PRDM10: variants seen among roughly 807,000 people sequenced by gnomAD.
PRDM10 encodes the protein PR/SET domain 10, also known as PR domain zinc finger protein 10.
A neutral mutation model predicts 133.1 loss-of-function variants in PRDM10; 65 were observed. The ratio of observed to expected loss-of-function variants is 0.49; its 90% CI spans 0.40 to 0.60. The LOEUF (loss-of-function observed/expected upper bound fraction) is 0.60, where lower values mean the gene tolerates loss of function less well. PRDM10 is among the 20% of genes least tolerant of loss of function. PRDM10 has a pLI of 0.00. For synonymous variants in PRDM10, 582 were observed against 580.4 expected (o/e 1.00, Z -0.04); for missense variants, 1,137 against 1,507.1 (o/e 0.75, Z 4.07).
At chr11:129,983,475 T>C (rs1938235639) in intron 1 of PRDM10, among the ~76,000 whole-genome samples, 1 of 152,038 alleles carries the variant, frequency 6.6e-6, no homozygotes, top group South Asian at 2.1e-4. Flanking sequence ...TGTTTTTGTA[T>C]TTTTAGTAGA....
At position 129,923,451 on chromosome 11, in the gene PRDM10, G is replaced by A; in HGVS notation, c.1879-48C>T. The stretch of plus-strand genomic sequence containing the variant: ...AATTCAGGGGACGCAGGCACCAAAT[G>A]AAATGACCAAAGGCAGCTTGTCAAC... On this transcript the variant is annotated intron_variant, in intron 12 of 20. Transcript: ENST00000360871. The surrounding 1 kb of genome is among the most constrained non-coding windows in gnomAD (Gnocchi z 4.4). 6.4e-7 allele frequency: 1 copy of A among 1,562,246 alleles called. No individual in the cohort carries two copies. Among genetic ancestry groups the A allele is most frequent in the Non-Finnish European group, 8.7e-7 (1 of 1,153,684 alleles).
Position 129,914,905 on chromosome 11 carries a change from A to G in PRDM10, c.2640T>C (p.Thr880=). 6.2e-7 allele frequency: 1 copy of G among 1,614,116 alleles called. No homozygotes were observed. Among genetic ancestry groups the G allele is most frequent in the Non-Finnish European group, 8.5e-7 (1 of 1,180,022 alleles). ...CAGTCTCTCCAGTGGCGCTGTCTGT[A>G]GTCAAAACCGCTGGGGTGGCACTGA... ...AVISATPAVL[T]TDSATGETVV... Residue 880 remains threonine, a synonymous_variant, in exon 17 of 21, where the codon ACT becomes ACC. Transcript: ENST00000360871.
At position 129,912,091 on chromosome 11, in the gene PRDM10, G is replaced by A. The variant is rs758425366; in HGVS notation, c.2976C>T (p.Ser992=). The change falls in exon 18 of 21, where the codon TCC becomes TCT. Residue 992 remains serine (S), a synonymous_variant. Transcript: ENST00000360871. ...VSEPTASAPS[S]AQVSGQPLSP... ...AGTCTGTGGAGCAGGGTACCTGGGC[G>A]GAGGACGGGGCCGAGGCGGTAGGCT... 4.9e-5 allele frequency: 78 copies of A among 1,606,646 alleles called. No homozygotes were observed. Among genetic ancestry groups the A allele is most frequent in the Middle Eastern group, 3.3e-4 (2 of 6,022 alleles).
At chr11:129,969,003 T>C (rs1238535194) in intron 1 of PRDM10, among the ~76,000 whole-genome samples, 1 of 152,186 alleles carries the variant, frequency 6.6e-6, no homozygotes, top group Non-Finnish European at 1.5e-5. Flanking sequence ...AAATAGCAGA[T>C]GCCAGGAGGC....
At chr11:129,934,753 G>A (rs1950974225) in intron 9 of PRDM10, among the ~76,000 whole-genome samples, 1 of 152,130 alleles carries the variant, frequency 6.6e-6, no homozygotes, top group Admixed American at 6.5e-5. Flanking sequence ...GACTTGGTTT[G>A]ATTAAGTAAT....
chr11:129,983,701 C>G (rs1938248260), intron 1 of PRDM10, among the ~76,000 whole-genome samples: 1 of 152,146 alleles, frequency 6.6e-6, no homozygotes, highest in Non-Finnish European at 1.5e-5. Flanking sequence ...GAGGAGAAGG[C>G]TTAGGATGGA....
intron 19 of PRDM10, among the ~76,000 whole-genome samples, chr11:129,908,471 C>T (rs1394727788): frequency 1.3e-5 from 2 of 152,102 alleles, no homozygotes; most frequent in Non-Finnish European, 2.9e-5. Flanking sequence ...AACCCTGTCT[C>T]AAATGTTCTT....
In PRDM10 at chr11:129,914,792, T is replaced by C. The variant is rs778395388; in HGVS notation, c.2753A>G (p.Gln918Arg). Residue 918 changes from glutamine (Q) to arginine (R), a missense_variant, in exon 17 of 21, where the codon CAG becomes CGG. By Grantham distance (43) the Gln-to-Arg change is conservative. Transcript: ENST00000360871. Reference protein sequence around the residue: ...TDYRTPQGDYQRIQYIPVSQS... With the variant: ...TDYRTPQGDYRRIQYIPVSQS... The stretch of plus-strand genomic sequence containing the variant: ...CGACACAGGGATGTACTGAATTCTC[T>C]GGTAATCCCCTTGTGGCGTTCGGTA... The C allele has an allele frequency of 1.2e-6, 2 of 1,614,208 alleles. No individual in the cohort carries two copies. Among genetic ancestry groups the C allele is most frequent in the East Asian group, 4.5e-5 (2 of 44,868 alleles).
At chr11:129,942,015 C>T (rs1252814886) in intron 7 of PRDM10, among the ~76,000 whole-genome samples, 1 of 152,170 alleles carries the variant, frequency 6.6e-6, no homozygotes, top group Non-Finnish European at 1.5e-5. Flanking sequence ...CCTGCCTCAG[C>T]TTCACAAGTA....
chr11:129,918,439 C>G lies in PRDM10; in HGVS notation c.2214+100G>C. ...CCTGGACATTGACAAAACCATTGAT[C>G]GATATAACTTAGGACACAATGCAAC... On this transcript the variant is annotated intron_variant, in intron 14 of 20. Coordinates refer to ENST00000360871, the MANE Select transcript of PRDM10 (RefSeq NM_199437.2). This position sits in a 1 kb window ranked among gnomAD's most constrained non-coding sequence, Gnocchi z 5.3. 1 of 1,344,116 alleles carries G rather than the reference C, an allele frequency of 7.4e-7. No homozygotes were observed. Among genetic ancestry groups the G allele is most frequent in the Non-Finnish European group, 9.9e-7 (1 of 1,014,028 alleles). The allele number at this position is 1,344,116 out of a possible 1,614,324, so 83.3% of individuals were successfully genotyped here.
intron 1 of PRDM10, among the ~76,000 whole-genome samples, chr11:129,973,733 T>C (rs1248331244): frequency 6.6e-6 from 1 of 152,154 alleles, no homozygotes; most frequent in Non-Finnish European, 1.5e-5. Context: ...AGCTCTATAA[T>C]TGAGATGAAA....
At position 129,990,238 on chromosome 11, in the gene PRDM10, C is replaced by T. The variant is rs1450053242; in HGVS notation, c.-119+12484G>A. 2.6e-5 allele frequency among the ~76,000 whole-genome samples: 4 copies of T among 151,626 alleles called. No homozygotes were observed. The South Asian group carries it at 6.3e-4, about 24-fold the overall frequency. Reference sequence around the variant, plus strand: ...GCGGGTGCCTGTAGTCCCAGCTACTCGGGAGGCTGAGGCAGGAGAACAGCA... The same window carrying T: ...GCGGGTGCCTGTAGTCCCAGCTACTTGGGAGGCTGAGGCAGGAGAACAGCA... On this transcript the variant is annotated intron_variant, in intron 1 of 20. Coordinates refer to ENST00000360871, the MANE Select transcript of PRDM10 (RefSeq NM_199437.2).
chr11:129,983,657 T>C (rs1938245618), intron 1 of PRDM10, among the ~76,000 whole-genome samples: 1 of 152,196 alleles, frequency 6.6e-6, no homozygotes, highest in African/African-American at 2.4e-5. Flanking sequence ...CCTAGTGAGG[T>C]AATTTTTCCA....
chr11:129,932,128 C>A lies in PRDM10; in HGVS notation c.1261G>T (p.Gly421Trp). Residue 421 changes from glycine to tryptophan, a missense_variant, in exon 10 of 21, where the codon GGG (glycine) becomes TGG (tryptophan). Transcript: ENST00000360871. ...FIRLEITSEN[G>W]EKSDDGTQDL... Reference sequence around the variant, plus strand: ...TGTGTCCCATCGTCACTCTTTTCCCCATTTTCGCTGGTGATTTCCAGGCGG... The same window carrying A: ...TGTGTCCCATCGTCACTCTTTTCCCAATTTTCGCTGGTGATTTCCAGGCGG... 1.2e-6 allele frequency: 2 copies of A among 1,614,132 alleles called. No individual in the cohort carries two copies. Among genetic ancestry groups the A allele is most frequent in the Non-Finnish European group, 1.7e-6 (2 of 1,180,002 alleles).
chr11:129,947,668 T>G lies in PRDM10; in HGVS notation c.295-298A>C. Reference sequence around the variant, plus strand: ...CCCTCCTTTGGCAGCAGTGGGAGAGTCAACACTGGCAAGGCCCTGACCACC... The same window carrying G: ...CCCTCCTTTGGCAGCAGTGGGAGAGGCAACACTGGCAAGGCCCTGACCACC... On this transcript the variant is annotated intron_variant, in intron 4 of 20. Coordinates refer to ENST00000360871, the MANE Select transcript of PRDM10 (RefSeq NM_199437.2). The surrounding 1 kb of genome is among the most constrained non-coding windows in gnomAD (Gnocchi z 4.6). 1.2e-6 allele frequency: 1 copy of G among 833,102 alleles called. No homozygotes were observed. Among genetic ancestry groups the G allele is most frequent in the Non-Finnish European group, 1.7e-6 (1 of 572,572 alleles). 51.6% of individuals were successfully genotyped at this position (833,102 alleles called of 1,614,324 possible).
chr11:129,927,698 A>G (rs946013555), intron 11 of PRDM10, among the ~76,000 whole-genome samples: 1 of 152,056 alleles, frequency 6.6e-6, no homozygotes, highest in African/African-American at 2.4e-5. Context: ...AGCCCTGAAC[A>G]TTGTCTGCAC....
intron 20 of PRDM10, 29 bp downstream of exon 20, chr11:129,905,609 G>C (rs558256593): frequency 1.3e-6 from 2 of 1,579,038 alleles, no homozygotes; most frequent in South Asian, 1.1e-5. Flanking sequence ...GGTTGGACAG[G>C]AAAAACCCGA....
At chr11:129,970,905 C>T (rs931942472) in intron 1 of PRDM10, among the ~76,000 whole-genome samples, 1 of 152,138 alleles carries the variant, frequency 6.6e-6, no homozygotes, top group Admixed American at 6.5e-5. Context: ...TTTCCACCAA[C>T]TTTTTTGCCA....
At chr11:129,982,689 G>A (rs1345154192) in intron 1 of PRDM10, among the ~76,000 whole-genome samples, 1 of 152,040 alleles carries the variant, frequency 6.6e-6, no homozygotes, top group Non-Finnish European at 1.5e-5. Flanking sequence ...AGTGGTTCAC[G>A]CCTATAATCC....
Sources: allele counts gnomAD v4.1 joint callset (sites outside exome capture counted in the v4.1 genomes callset), GRCh38; gene constraint gnomAD v4.1.1; non-coding constraint Gnocchi (gnomAD v3.1); transcripts MANE v1.5; gene names NCBI Gene and HGNC (gene_info 2026-07-23, HGNC 2026-07-21).